The following GABRB3 variants were observed in gnomAD, a reference collection of about 807,000 sequenced individuals.
GABRB3 encodes the protein gamma-aminobutyric acid type A receptor subunit beta3, also known as gamma-aminobutyric acid receptor subunit beta-3.
Under a neutral mutation model 52.1 loss-of-function variants are expected in GABRB3, and 14 were observed. The observed-to-expected ratio is 0.27, with a 90% confidence interval of 0.18 to 0.42. GABRB3 has a LOEUF of 0.42. GABRB3 is among the 10% of genes least tolerant of loss of function. The pLI is 1.00. For missense variants in GABRB3, 307 were observed against 609.1 expected, an observed-to-expected ratio of 0.50 and a Z score of 5.22; for synonymous variants, 260 against 232.3, an observed-to-expected ratio of 1.12 and a Z score of -1.08.
intron 3 of GABRB3, among the ~76,000 whole-genome samples, chr15:26,667,339 G>A (rs1016808390): frequency 3.3e-5 from 5 of 152,102 alleles, no homozygotes; most frequent in Non-Finnish European, 7.3e-5. Flanking sequence ...TAGGATCTGG[G>A]GGTGACACAG....
At chr15:26,709,084 TAAAAC>T (rs1253747786) in intron 3 of GABRB3, among the ~76,000 whole-genome samples, 1 of 152,256 alleles carries the variant, frequency 6.6e-6, no homozygotes, top group Non-Finnish European at 1.5e-5. Flanking sequence ...AGTTTATAGA[TAAAAC>T]AATCATCCAT....
intron 3 of GABRB3, among the ~76,000 whole-genome samples, chr15:26,769,025 G>C (rs28581285): frequency 6.6e-6 from 1 of 151,758 alleles, no homozygotes; most frequent in Non-Finnish European, 1.5e-5. Context: ...TGAGATCAGA[G>C]ACATTTTTTG....
In GABRB3 at chr15:26,575,091, T is replaced by C. The variant is rs147693333; in HGVS notation, c.682+5228A>G. On this transcript the variant is annotated intron_variant, in intron 6 of 8. Coordinates refer to ENST00000311550, the MANE Select transcript of GABRB3 (RefSeq NM_000814.6). ...GATTCTGTAATCAGAGATTTCACCA[T>C]TGAGCACAGTTTTAAACTTTTGCTG... Among the ~76,000 whole-genome samples, 23 of 152,330 alleles carry C rather than the reference T, an allele frequency of 1.5e-4. No individual in the cohort carries two copies. In the East Asian group the frequency reaches 4.1e-3, roughly 27 times the overall value.
intron 3 of GABRB3, chr15:26,628,985 T>C: frequency 6.5e-7 from 1 of 1,536,124 alleles, no homozygotes. Flanking sequence ...ACCTCTTCTG[T>C]CTGGTAGGTG....
chr15:26,595,037 A>C (rs370766452), intron 4 of GABRB3, among the ~76,000 whole-genome samples: 1 of 152,158 alleles, frequency 6.6e-6, no homozygotes, highest in Non-Finnish European at 1.5e-5. Flanking sequence ...ATGGAGTTTT[A>C]AGTACTTCTA....
At chr15:26,612,503 A>G (rs1677515765) in intron 4 of GABRB3, 1 of 152,198 alleles carries the variant, frequency 6.6e-6, no homozygotes, top group Non-Finnish European at 1.5e-5. Flanking sequence ...CACTTCTAAG[A>G]GCATCACACT....
chr15:26,737,238 T>C (rs1890089009), intron 3 of GABRB3, among the ~76,000 whole-genome samples: 1 of 152,152 alleles, frequency 6.6e-6, no homozygotes, highest in African/African-American at 2.4e-5. Context: ...CAGTGATGAC[T>C]CGATAGCCCA....
chr15:26,585,029 A>G (rs1487750166), intron 4 of GABRB3, among the ~76,000 whole-genome samples: 3 of 152,164 alleles, frequency 2.0e-5, no homozygotes, highest in Non-Finnish European at 4.4e-5. Context: ...CAAACTGGAG[A>G]GCAAAGGATG....
At chr15:26,762,644 T>C (rs1566833705) in intron 3 of GABRB3, among the ~76,000 whole-genome samples, 2 of 152,240 alleles carry the variant, frequency 1.3e-5, no homozygotes, top group South Asian at 2.1e-4. Context: ...AAGAAACCTA[T>C]TTTATGTGTT....
intron 8 of GABRB3, among the ~76,000 whole-genome samples, chr15:26,557,239 G>A (rs530655857): frequency 1.4e-4 from 22 of 152,034 alleles, no homozygotes; most frequent in Admixed American, 1.2e-3. Context: ...ATGAATGGAC[G>A]AAAAAAAGGA....
Position 26,544,728 on chromosome 15 carries a change from G to C in GABRB3, c.*3065C>G, listed in dbSNP as rs1889163369. The C allele has an allele frequency of 6.6e-6, 1 of 152,314 alleles. No individual in the cohort carries two copies. The highest frequency in any genetic ancestry group is 2.4e-5 in the African/African-American group (1 of 41,440). 9.4% of individuals were successfully genotyped at this position (152,314 alleles called of 1,614,324 possible). ...GGGTAATAACAAACTGTCATAACAAGATTCTTCTGTAGATCTTGAGCCCCT... is the reference window on the plus strand; with the variant it reads ...GGGTAATAACAAACTGTCATAACAACATTCTTCTGTAGATCTTGAGCCCCT... On this transcript the variant is annotated 3_prime_UTR_variant, in exon 9 of 9. Transcript: ENST00000311550.
chr15:26,589,866 C>T (rs1891128156), intron 4 of GABRB3, among the ~76,000 whole-genome samples: 1 of 152,162 alleles, frequency 6.6e-6, no homozygotes, highest in South Asian at 2.1e-4. Flanking sequence ...CAGGCATAAG[C>T]TGAAGTGTGG....
chr15:26,766,690 T>C (rs887813280), intron 3 of GABRB3, among the ~76,000 whole-genome samples: 2 of 152,158 alleles, frequency 1.3e-5, no homozygotes, highest in African/African-American at 4.8e-5. Context: ...ACACCAGTCC[T>C]AATTTGTCAA....
chr15:26,657,214 A>G (rs1424285470), intron 3 of GABRB3: 1 of 152,198 alleles, frequency 6.6e-6, no homozygotes, highest in Non-Finnish European at 1.5e-5. Flanking sequence ...GGAGAGGCTT[A>G]TCTTCTTTAG....
chr15:26,773,673 G>A (rs867399327), upstream of GABRB3: 3 of 1,573,900 alleles, frequency 1.9e-6, no homozygotes, highest in South Asian at 2.3e-5. Flanking sequence ...CGGGTCCCCA[G>A]GGTCCAGGAG....
chr15:26,772,225 G>A (rs1476182921), intron 3 of GABRB3, 177 bp downstream of exon 3: 1 of 524,960 alleles, frequency 1.9e-6, no homozygotes, highest in Non-Finnish European at 3.2e-6. Context: ...CGAGCGCCCG[G>A]GGCGGGTGCA....
intron 3 of GABRB3, among the ~76,000 whole-genome samples, chr15:26,768,212 T>C (rs996548564): frequency 6.6e-6 from 1 of 152,160 alleles, no homozygotes; most frequent in East Asian, 1.9e-4. Context: ...AAAAGTCCTG[T>C]AGTTACACTT....
At chr15:26,729,723 C>CA (rs1889860519) in intron 3 of GABRB3, among the ~76,000 whole-genome samples, 1 of 152,166 alleles carries the variant, frequency 6.6e-6, no homozygotes, top group South Asian at 2.1e-4. Context: ...CCTATGCCCC[C>CA]AGCAGGCTCC....
chr15:26,604,412 AC>A (rs1336829891), intron 4 of GABRB3, among the ~76,000 whole-genome samples: 3 of 152,168 alleles, frequency 2.0e-5, no homozygotes, highest in East Asian at 1.9e-4. Flanking sequence ...AATAGAAAAA[AC>A]AATCCTAAAA....
Sources: gnomAD v4.1 joint callset for allele counts (sites outside exome capture counted in the v4.1 genomes callset) on GRCh38, gnomAD v4.1.1 for gene constraint, MANE v1.5 for transcripts, NCBI Gene and HGNC (gene_info 2026-07-23, HGNC 2026-07-21) for gene names.